MTO1: variants seen among roughly 807,000 people sequenced by gnomAD.
MTO1 encodes mitochondrial tRNA translation optimization 1, also known as 5-taurinomethyluridine-[tRNA] synthase subunit MTO1, mitochondrial.
A neutral mutation model predicts 71.6 loss-of-function variants in MTO1; 46 were observed. That is an observed-to-expected ratio of 0.64 (90% confidence interval 0.51 to 0.82). The LOEUF is 0.82. MTO1 is among the 40% of genes least tolerant of loss of function. The probability of loss-of-function intolerance (pLI) is 0.00; values close to 1 mark genes in which losing one functional copy is unlikely to be tolerated. For synonymous variants in MTO1, 297 were observed against 312.1 expected (o/e 0.95, Z 0.51); for missense variants, 773 against 867.5 (o/e 0.89, Z 1.37).
Position 73,461,785 on chromosome 6 carries a change from C to G in MTO1, c.-70C>G. 1.3e-6 allele frequency: 2 copies of G among 1,521,360 alleles called. No homozygotes were observed. The highest frequency in any genetic ancestry group is 2.4e-5 in the South Asian group (2 of 84,608). 94.2% of individuals were successfully genotyped at this position (1,521,360 alleles called of 1,614,324 possible). On this transcript the variant is annotated 5_prime_UTR_variant, in exon 1 of 12. Transcript: ENST00000498286. ...AAGATGGCCGCGCCCTGCAGATTGT[C>G]TCTTGTTGCGTAAGTTTTTTTGACC...
In MTO1 at chr6:73,473,513, AG is replaced by A. The variant is rs750426495; in HGVS notation, c.687del (p.Phe230LeufsTer6). 1 of 1,614,076 alleles carries A rather than the reference AG, an allele frequency of 6.2e-7. No homozygotes were observed. The highest frequency in any genetic ancestry group is 8.5e-7 in the Non-Finnish European group (1 of 1,180,020). On this transcript the variant is annotated frameshift_variant, in exon 4 of 12. Transcript: ENST00000498286. LOFTEE classifies it high-confidence loss of function. Reference protein sequence around the residue: ...IGLAQTLEKLGFVVGRLKTGT... With the variant: ...IGLAQTLEKLXFVVGRLKTGT... ...GATTGGCTCAGACACTGGAGAAGTT[AG>A]GGTTTGTGGTGGGAAGGTTGAAGAC...
At position 73,505,802 on chromosome 6, in the gene MTO1, C is replaced by T. The variant is rs192853343; in HGVS notation, c.*5067C>T. 2 of 152,190 alleles carry T rather than the reference C, an allele frequency of 1.3e-5. No homozygotes were observed. The highest frequency in any genetic ancestry group is 1.9e-4 in the East Asian group (1 of 5,174). The allele number at this position is 152,190 out of a possible 1,614,324, so 9.4% of individuals were successfully genotyped here. The stretch of plus-strand genomic sequence containing the variant: ...TCCTGACCTCATGATCCGCCCACCT[C>T]GACCTCCCAAAGTGCTGGGATTACA... On this transcript the variant is annotated 3_prime_UTR_variant, in exon 12 of 12. Transcript: ENST00000498286.
chr6:73,474,703 C>A (rs1024824450), intron 4 of MTO1, among the ~76,000 whole-genome samples: 5 of 152,074 alleles, frequency 3.3e-5, no homozygotes, highest in Non-Finnish European at 7.4e-5. Flanking sequence ...CTGCCTCAAC[C>A]TCCCAAAGTG....
intron 10 of MTO1, among the ~76,000 whole-genome samples, chr6:73,495,266 G>A (rs1233999498): frequency 6.6e-6 from 1 of 152,064 alleles, no homozygotes; most frequent in Non-Finnish European, 1.5e-5. Context: ...AATATATTAA[G>A]GTAGAAGAAG....
chr6:73,482,946 C>T (rs1045986943), intron 9 of MTO1, among the ~76,000 whole-genome samples: 2 of 151,728 alleles, frequency 1.3e-5, no homozygotes, highest in African/African-American at 4.8e-5. Context: ...CGCCTGCCAC[C>T]GCGCCCGGCT....
At chr6:73,496,606 A>G (rs894778124) in intron 10 of MTO1, among the ~76,000 whole-genome samples, 2 of 150,810 alleles carry the variant, frequency 1.3e-5, no homozygotes, top group Admixed American at 1.3e-4. Flanking sequence ...TTAGCATTAG[A>G]TCTCCTAATG....
At chr6:73,483,465 T>C (rs1771569722) in intron 9 of MTO1, among the ~76,000 whole-genome samples, 1 of 151,938 alleles carries the variant, frequency 6.6e-6, no homozygotes, top group South Asian at 2.1e-4. Context: ...TTATTTTTTA[T>C]ATGATTTCTC....
chr6:73,479,864 G>T lies in MTO1; in HGVS notation c.938+20G>T. 1.2e-6 allele frequency: 2 copies of T among 1,605,238 alleles called. No homozygotes were observed. The highest frequency in any genetic ancestry group is 1.7e-6 in the Non-Finnish European group (2 of 1,172,746). Reference sequence around the variant, plus strand: ...ACCTCGGTAAGGACAAAATGTCAGTGCTCAGTTACTTTAAGGAATGACGTC... The same window carrying T: ...ACCTCGGTAAGGACAAAATGTCAGTTCTCAGTTACTTTAAGGAATGACGTC... On this transcript the variant is annotated intron_variant, in intron 5 of 11. Transcript: ENST00000498286.
chr6:73,490,075 C>T (rs1205188376), intron 9 of MTO1, among the ~76,000 whole-genome samples: 1 of 152,164 alleles, frequency 6.6e-6, no homozygotes, highest in African/African-American at 2.4e-5. Flanking sequence ...CTGTTGGCTG[C>T]GTAAATGTCT....
At chr6:73,473,078 G>A (rs930023206) in intron 3 of MTO1, among the ~76,000 whole-genome samples, 2 of 152,104 alleles carry the variant, frequency 1.3e-5, no homozygotes, top group Non-Finnish European at 2.9e-5. Flanking sequence ...TCGGGAATTC[G>A]AGACCAGCCT....
At chr6:73,464,859 A>C (rs113858416) in intron 1 of MTO1, among the ~76,000 whole-genome samples, 16,432 of 135,684 alleles carry the variant, frequency 0.12, 1,228 homozygotes, top group East Asian at 0.17. Context: ...AAAAAAAAAA[A>C]AACTTTTGGA....
intron 4 of MTO1, among the ~76,000 whole-genome samples, chr6:73,477,242 A>G (rs1771351470): frequency 6.6e-6 from 1 of 151,186 alleles, no homozygotes; most frequent in African/African-American, 2.4e-5. Flanking sequence ...CTAAAAATAC[A>G]AAAATTAGCT....
intron 3 of MTO1, among the ~76,000 whole-genome samples, chr6:73,471,121 C>T (rs73450674): frequency 0.056 from 8,380 of 150,912 alleles, 722 homozygotes; most frequent in African/African-American, 0.19. Context: ...TTCACAAAAT[C>T]GTAGCATATT....
At chr6:73,481,933 A>T in intron 7 of MTO1, 107 bp from the exon 8 acceptor site, 1 of 1,193,604 alleles carries the variant, frequency 8.4e-7, no homozygotes, top group Non-Finnish European at 1.2e-6. Context: ...TAGGGGCAAT[A>T]CTTGCTTTCT....
chr6:73,496,914 G>A (rs114514800), intron 10 of MTO1, among the ~76,000 whole-genome samples: 1,814 of 151,554 alleles, frequency 0.012, 49 homozygotes, highest in African/African-American at 0.041. Flanking sequence ...TTAGCCGGGC[G>A]TGGTGGCTTG....
chr6:73,475,758 C>T (rs142998912), intron 4 of MTO1, among the ~76,000 whole-genome samples: 1,614 of 151,996 alleles, frequency 0.011, 25 homozygotes, highest in African/African-American at 0.037. Context: ...GTGATCCGCC[C>T]GCCTCGGCCT....
rs1023373600 is a variant in MTO1 at position 73,467,885 on chromosome 6, A to G, written c.535+1279A>G. Among the ~76,000 whole-genome samples the G allele has an allele frequency of 1.4e-4, 21 of 152,150 alleles. 1 individual carries two copies. Among genetic ancestry groups the G allele is most frequent in the African/African-American group, 5.1e-4 (21 of 41,532 alleles). On this transcript the variant is annotated intron_variant, in intron 3 of 11. Transcript: ENST00000498286. ...TGCCAGGCTGGAATGCAGTGGTGCG[A>G]TATCGGCTCACCACAACCTGAGCCT...
At chr6:73,475,875 G>A (rs936009247) in intron 4 of MTO1, among the ~76,000 whole-genome samples, 1 of 152,124 alleles carries the variant, frequency 6.6e-6, no homozygotes, top group African/African-American at 2.4e-5. Flanking sequence ...GATTACAGGC[G>A]TAAGCCACCA....
At chr6:73,484,809 G>A (rs780669095) in intron 9 of MTO1, among the ~76,000 whole-genome samples, 2 of 151,946 alleles carry the variant, frequency 1.3e-5, no homozygotes, top group African/African-American at 2.4e-5. Context: ...TAATCCCATC[G>A]TTTTGGGAGG....
Sources: allele counts gnomAD v4.1 joint callset (sites outside exome capture counted in the v4.1 genomes callset), GRCh38; gene constraint gnomAD v4.1.1; transcripts MANE v1.5; gene names NCBI Gene and HGNC (gene_info 2026-07-23, HGNC 2026-07-21).